TUSC3: variants seen among roughly 807,000 people sequenced by gnomAD.
The protein encoded by TUSC3 is dolichyl-diphosphooligosaccharide--protein glycosyltransferase subunit TUSC3.
In TUSC3, 45 loss-of-function variants were observed where a neutral mutation model predicts 44.8. The observed-to-expected ratio is 1.00, with a 90% confidence interval of 0.79 to 1.29. The LOEUF (loss-of-function observed/expected upper bound fraction) is 1.29. TUSC3 is among the 50% of genes most tolerant of loss of function. The pLI is 0.00. For missense variants in TUSC3, 519 were observed against 437.9 expected (o/e 1.19, Z -1.65); for synonymous variants, 212 against 152.9 (o/e 1.39, Z -2.85).
At chr8:15,825,722 G>A in the TUSC3 span, among the ~76,000 whole-genome samples, 5 of 152,048 alleles carry the variant, frequency 3.3e-5, no homozygotes, top group African/African-American at 1.2e-4. Flanking sequence ...TGAAATATAT[G>A]CACATTGAGA....
At chr8:15,423,807 T>G (rs751802691) in intron 1 of TUSC3, among the ~76,000 whole-genome samples, 2 of 152,014 alleles carry the variant, frequency 1.3e-5, no homozygotes, top group Non-Finnish European at 2.9e-5. Flanking sequence ...TAAACCTGTC[T>G]CGCTGTCTGG....
chr8:15,441,015 A>C (rs1056773436), intron 1 of TUSC3, among the ~76,000 whole-genome samples: 5 of 152,214 alleles, frequency 3.3e-5, no homozygotes, highest in Admixed American at 2.0e-4. Flanking sequence ...TGCATTGCCT[A>C]ATAGATTCTC....
the TUSC3 span, among the ~76,000 whole-genome samples, chr8:15,848,875 T>C: frequency 6.6e-6 from 1 of 152,238 alleles, no homozygotes; most frequent in Non-Finnish European, 1.5e-5. Context: ...CTCTTTTAAA[T>C]TGTAGAACTA....
At chr8:15,748,876 A>G (rs868288217) in intron 9 of TUSC3, 1 of 395,568 alleles carries the variant, frequency 2.5e-6, no homozygotes, top group South Asian at 1.8e-5. Flanking sequence ...TTTTCAAAAT[A>G]AGAGCCAACA....
intron 2 of TUSC3, among the ~76,000 whole-genome samples, chr8:15,642,011 T>A (rs1806394772): frequency 6.6e-6 from 1 of 152,204 alleles, no homozygotes; most frequent in Non-Finnish European, 1.5e-5. Flanking sequence ...TATACATTAA[T>A]CGTGTGGGCT....
chr8:15,461,146 C>G (rs578169237), intron 1 of TUSC3, among the ~76,000 whole-genome samples: 12 of 152,154 alleles, frequency 7.9e-5, no homozygotes, highest in Non-Finnish European at 1.8e-4. Flanking sequence ...AGTACTGACT[C>G]TACCCATCCG....
chr8:15,695,963 A>T (rs536036047), intron 6 of TUSC3, among the ~76,000 whole-genome samples: 79 of 152,326 alleles, frequency 5.2e-4, no homozygotes, highest in African/African-American at 1.8e-3. Flanking sequence ...AGCAGAGCAT[A>T]AAAGTTCAGA....
intron 2 of TUSC3, among the ~76,000 whole-genome samples, chr8:15,494,599 G>A (rs1483180820): frequency 6.6e-6 from 1 of 152,168 alleles, no homozygotes; most frequent in Non-Finnish European, 1.5e-5. Context: ...TTAGAGGCGT[G>A]AGCCACCGCA....
chr8:15,699,520 T>A (rs890752021), intron 6 of TUSC3, among the ~76,000 whole-genome samples: 8 of 152,202 alleles, frequency 5.3e-5, no homozygotes, highest in African/African-American at 1.7e-4. Flanking sequence ...CTGATGTAAT[T>A]GATGTGACTT....
intron 2 of TUSC3, among the ~76,000 whole-genome samples, chr8:15,638,009 A>G (rs1416809969): frequency 6.6e-6 from 1 of 152,084 alleles, no homozygotes; most frequent in African/African-American, 2.4e-5. Flanking sequence ...AAAGTGGTGC[A>G]TTCTTAAGAC....
At chr8:15,664,989 C>T (rs1807593686) in intron 5 of TUSC3, among the ~76,000 whole-genome samples, 2 of 151,310 alleles carry the variant, frequency 1.3e-5, no homozygotes, top group South Asian at 4.1e-4. Flanking sequence ...TTTTTCGTAT[C>T]CTACTTTTGA....
intron 1 of TUSC3, among the ~76,000 whole-genome samples, chr8:15,432,886 C>A (rs964698251): frequency 1.2e-4 from 18 of 152,140 alleles, no homozygotes; most frequent in African/African-American, 4.3e-4. Context: ...GCTGATAAAA[C>A]CCCGGTAGGT....
At chr8:15,670,893 C>T (rs998798274) in intron 5 of TUSC3, among the ~76,000 whole-genome samples, 4 of 151,822 alleles carry the variant, frequency 2.6e-5, no homozygotes, top group African/African-American at 9.7e-5. Flanking sequence ...GGGTACTTCA[C>T]AAAAATGTCC....
At chr8:15,742,988 G>GCT (rs1811257995) in intron 7 of TUSC3, among the ~76,000 whole-genome samples, 2 of 152,160 alleles carry the variant, frequency 1.3e-5, no homozygotes, top group Non-Finnish European at 2.9e-5. Context: ...CTAGCTCAGG[G>GCT]TCCTGCTAGA....
intron 2 of TUSC3, among the ~76,000 whole-genome samples, chr8:15,648,725 CAAAAAAAAAAAAA>C (rs58526383): frequency 0.056 from 1,476 of 26,190 alleles, 73 homozygotes; most frequent in African/African-American, 0.18. Flanking sequence ...GACTCTGTGT[CAAAAAAAAAAAAA>C]AAAAAAAAAA....
the TUSC3 span, among the ~76,000 whole-genome samples, chr8:15,782,089 C>G: frequency 2.6e-5 from 4 of 152,282 alleles, no homozygotes; most frequent in Non-Finnish European, 5.9e-5. Context: ...GAGCCGAGAT[C>G]GTGCCACTGC....
At chr8:15,440,404 C>A (rs199672934) in intron 1 of TUSC3, among the ~76,000 whole-genome samples, 1 of 152,098 alleles carries the variant, frequency 6.6e-6, no homozygotes, top group Non-Finnish European at 1.5e-5. Flanking sequence ...AGGATCTATG[C>A]AGAATTTTGG....
chr8:15,733,042 C>T (rs555749750), intron 7 of TUSC3, among the ~76,000 whole-genome samples: 15 of 152,222 alleles, frequency 9.9e-5, no homozygotes, highest in African/African-American at 3.4e-4. Flanking sequence ...ACTGGAAATA[C>T]AAATTTTGTT....
At chr8:15,538,945 G>C (rs75235831), upstream of TUSC3, among the ~76,000 whole-genome samples, 2,930 of 151,792 alleles carry the variant, frequency 0.019, 89 homozygotes, top group African/African-American at 0.055. Flanking sequence ...AAACTCCTGG[G>C]CTCTAGTGAT....
Sources: allele counts gnomAD v4.1 joint callset (sites outside exome capture counted in the v4.1 genomes callset), GRCh38; gene constraint gnomAD v4.1.1; transcripts MANE v1.5; gene names NCBI Gene and HGNC (gene_info 2026-07-23, HGNC 2026-07-21).